The following DYNC1I1 variants were observed in gnomAD, a reference collection of about 807,000 sequenced individuals.
DYNC1I1 encodes cytoplasmic dynein 1 intermediate chain 1.
Under a neutral mutation model 86.6 loss-of-function variants are expected in DYNC1I1, and 43 were observed. The ratio of observed to expected loss-of-function variants is 0.50; its 90% CI spans 0.39 to 0.64. The LOEUF (loss-of-function observed/expected upper bound fraction) is 0.64. DYNC1I1 is among the 30% of genes least tolerant of loss of function. The pLI, the probability that DYNC1I1 is intolerant of heterozygous loss-of-function variation, is 0.00. For synonymous variants in DYNC1I1, 262 were observed against 283.7 expected, an observed-to-expected ratio of 0.92 and a Z score of 0.77; for missense variants, 604 against 788.8, an observed-to-expected ratio of 0.77 and a Z score of 2.81.
At chr7:96,035,238 A>G (rs1173531803) in intron 12 of DYNC1I1, among the ~76,000 whole-genome samples, 1 of 152,208 alleles carries the variant, frequency 6.6e-6, no homozygotes, top group Non-Finnish European at 1.5e-5. Context: ...ATATTAATAC[A>G]TGTGTATTCT....
chr7:96,026,312 A>G (rs1348847783), intron 10 of DYNC1I1, among the ~76,000 whole-genome samples: 1 of 152,166 alleles, frequency 6.6e-6, no homozygotes, highest in East Asian at 1.9e-4. Flanking sequence ...GTTTCTAACT[A>G]GGAAGCCTTA....
At chr7:95,981,542 G>C (rs1474761145) in intron 7 of DYNC1I1, among the ~76,000 whole-genome samples, 1 of 151,880 alleles carries the variant, frequency 6.6e-6, no homozygotes, top group Non-Finnish European at 1.5e-5. Context: ...CAATATAACT[G>C]GTTAAATTTT....
intron 5 of DYNC1I1, among the ~76,000 whole-genome samples, chr7:95,846,038 C>G (rs941476244): frequency 2.6e-5 from 4 of 152,064 alleles, no homozygotes; most frequent in African/African-American, 9.7e-5. Context: ...TACTTTGGTA[C>G]CCAGTGACTT....
At chr7:96,056,185 C>T (rs2116138575) in intron 14 of DYNC1I1, 1 of 152,192 alleles carries the variant, frequency 6.6e-6, no homozygotes, top group East Asian at 1.9e-4. Flanking sequence ...CAATCACCCT[C>T]CTTTAACAAA....
rs748814410 is a variant in DYNC1I1 at position 96,035,691 on chromosome 7, G to A, written c.1303G>A (p.Val435Ile). 6.8e-6 allele frequency: 11 copies of A among 1,611,750 alleles called. No homozygotes were observed. Among genetic ancestry groups the A allele is most frequent in the Admixed American group, 3.4e-5 (2 of 59,636 alleles). Residue 435 changes from valine to isoleucine, a missense_variant, in exon 13 of 17, where the codon GTC becomes ATC. Coordinates refer to ENST00000447467, the MANE Select transcript of DYNC1I1 (RefSeq NM_001135556.2). ...VTGMAFPTGD[V>I]NNFVVGSEEG... ...CGGAATGGCTTTCCCAACGGGAGAC[G>A]TCAATAACTTCGTGGTTGGCAGTGA...
chr7:96,041,477 A>G (rs1202936732), intron 14 of DYNC1I1, among the ~76,000 whole-genome samples: 2 of 152,252 alleles, frequency 1.3e-5, no homozygotes, highest in Non-Finnish European at 2.9e-5. Context: ...TATGCCAAAG[A>G]TATACCAGCA....
intron 6 of DYNC1I1, among the ~76,000 whole-genome samples, chr7:95,945,086 TA>T (rs960553590): frequency 2.4e-4 from 36 of 151,470 alleles, no homozygotes; most frequent in African/African-American, 8.5e-4. Context: ...TAAAATAAAA[TA>T]AAAAACCATT....
intron 1 of DYNC1I1, among the ~76,000 whole-genome samples, chr7:95,787,252 T>C (rs995550950): frequency 6.6e-6 from 1 of 152,198 alleles, no homozygotes; most frequent in Non-Finnish European, 1.5e-5. Flanking sequence ...TGCTGAGAAC[T>C]TGAGTTTCTG....
chr7:96,011,163 A>G (rs1467386642), intron 10 of DYNC1I1, among the ~76,000 whole-genome samples: 1 of 152,176 alleles, frequency 6.6e-6, no homozygotes, highest in African/African-American at 2.4e-5. Flanking sequence ...CATAAGAAAG[A>G]TGTTATTGCC....
intron 6 of DYNC1I1, among the ~76,000 whole-genome samples, chr7:95,975,174 TCTCC>T (rs1793271580): frequency 6.6e-6 from 1 of 152,196 alleles, no homozygotes; most frequent in Non-Finnish European, 1.5e-5. Flanking sequence ...TTAGTGAATA[TCTCC>T]TGTATCCCTT....
chr7:95,849,660 C>T (rs987869791), intron 5 of DYNC1I1, among the ~76,000 whole-genome samples: 1 of 152,098 alleles, frequency 6.6e-6, no homozygotes, highest in African/African-American at 2.4e-5. Flanking sequence ...GTGATGCCTT[C>T]AGCTTTGTTC....
At chr7:95,782,620 C>T (rs1794022424) in intron 1 of DYNC1I1, among the ~76,000 whole-genome samples, 1 of 152,168 alleles carries the variant, frequency 6.6e-6, no homozygotes, top group African/African-American at 2.4e-5. Context: ...AGTTATTGTC[C>T]GTAGATGGCT....
At chr7:95,987,598 C>G (rs1793627816) in intron 9 of DYNC1I1, among the ~76,000 whole-genome samples, 1 of 152,168 alleles carries the variant, frequency 6.6e-6, no homozygotes, top group Non-Finnish European at 1.5e-5. Flanking sequence ...TCTGACCATC[C>G]TTGAGGTCCC....
intron 16 of DYNC1I1, among the ~76,000 whole-genome samples, chr7:96,107,539 T>A (rs920569376): frequency 1.3e-5 from 2 of 151,780 alleles, no homozygotes; most frequent in African/African-American, 4.8e-5. Context: ...TCTTCTTTTT[T>A]TTTTTTTTTT....
chr7:95,888,932 C>T (rs1278387011), intron 6 of DYNC1I1, among the ~76,000 whole-genome samples: 1 of 152,244 alleles, frequency 6.6e-6, no homozygotes, highest in East Asian at 1.9e-4. Flanking sequence ...AGTAACGTGA[C>T]ACAAGGAATT....
At chr7:96,023,891 T>A (rs1032563728) in intron 10 of DYNC1I1, among the ~76,000 whole-genome samples, 1 of 152,214 alleles carries the variant, frequency 6.6e-6, no homozygotes, top group African/African-American at 2.4e-5. Context: ...GGCTTGGTCT[T>A]CGAAATATAG....
At chr7:95,872,823 T>C (rs1790208202) in intron 6 of DYNC1I1, among the ~76,000 whole-genome samples, 1 of 152,128 alleles carries the variant, frequency 6.6e-6, no homozygotes, top group Non-Finnish European at 1.5e-5. Flanking sequence ...AAAACGAAAT[T>C]ATGGTCCCCT....
chr7:96,081,125 T>C (rs1790508914), intron 16 of DYNC1I1, among the ~76,000 whole-genome samples: 1 of 151,524 alleles, frequency 6.6e-6, no homozygotes, highest in African/African-American at 2.4e-5. Context: ...ATGCTAAAAT[T>C]GAAAAGTTGA....
intron 14 of DYNC1I1, among the ~76,000 whole-genome samples, chr7:96,062,441 T>TC (rs1458496757): frequency 2.0e-5 from 3 of 152,106 alleles, no homozygotes; most frequent in Non-Finnish European, 4.4e-5. Flanking sequence ...CTTTTTTTTT[T>TC]TCTCTCTAAA....
Sources: gnomAD v4.1 joint callset for allele counts (sites outside exome capture counted in the v4.1 genomes callset) on GRCh38, gnomAD v4.1.1 for gene constraint, MANE v1.5 for transcripts, NCBI Gene and HGNC (gene_info 2026-07-23, HGNC 2026-07-21) for gene names.